The following MKLN1 variants were observed in gnomAD, a reference collection of about 807,000 sequenced individuals.
MKLN1 encodes the protein muskelin.
Under a neutral mutation model 99.0 loss-of-function variants are expected in MKLN1, and 18 were observed. The ratio of observed to expected loss-of-function variants is 0.18; its 90% confidence interval spans 0.13 to 0.27. The LOEUF is 0.27. Ranked by LOEUF, MKLN1 falls within the 10% of genes least tolerant of loss-of-function variation. The probability of loss-of-function intolerance (pLI) is 1.00; values close to 1 mark genes in which losing one functional copy is unlikely to be tolerated. For synonymous variants in MKLN1, 288 were observed against 293.2 expected, an observed-to-expected ratio of 0.98 and a Z score of 0.18; for missense variants, 621 against 875.9, an observed-to-expected ratio of 0.71 and a Z score of 3.67.
chr7:131,408,101 T>A (rs959628152), intron 6 of MKLN1, among the ~76,000 whole-genome samples: 1 of 152,132 alleles, frequency 6.6e-6, no homozygotes, highest in Non-Finnish European at 1.5e-5. Context: ...GTCTAATATA[T>A]GAGAATGATT....
intron 2 of MKLN1, among the ~76,000 whole-genome samples, chr7:131,186,640 C>T (rs533328193): frequency 5.2e-4 from 79 of 152,312 alleles, no homozygotes; most frequent in African/African-American, 1.8e-3. Flanking sequence ...GTTTTATTTA[C>T]TTTGCCTAGC....
intron 1 of MKLN1, among the ~76,000 whole-genome samples, chr7:131,369,395 T>C (rs1008049527): frequency 1.3e-5 from 2 of 152,210 alleles, no homozygotes; most frequent in African/African-American, 4.8e-5. Context: ...ATTTCATCAA[T>C]TTGATGGGTA....
At chr7:131,436,167 TAA>T (rs1795670788) in intron 9 of MKLN1, among the ~76,000 whole-genome samples, 2 of 152,218 alleles carry the variant, frequency 1.3e-5, no homozygotes, top group African/African-American at 4.8e-5. Context: ...GTGTGAATAT[TAA>T]AGTGTACATT....
At chr7:131,148,220 G>T (rs1427068992) in intron 2 of MKLN1, among the ~76,000 whole-genome samples, 2 of 151,998 alleles carry the variant, frequency 1.3e-5, no homozygotes, top group African/African-American at 4.8e-5. Flanking sequence ...GCAGAATTTG[G>T]CCTGTTCTCC....
chr7:131,133,272 G>A (rs1257249059), intron 1 of MKLN1, among the ~76,000 whole-genome samples: 1 of 150,322 alleles, frequency 6.7e-6, no homozygotes, highest in Non-Finnish European at 1.5e-5. Flanking sequence ...CTTCAAAGAC[G>A]AGTCTTCACT....
chr7:131,453,471 T>A (rs1796245385), intron 12 of MKLN1, among the ~76,000 whole-genome samples: 1 of 151,830 alleles, frequency 6.6e-6, no homozygotes, highest in African/African-American at 2.4e-5. Context: ...GGCAGTATTT[T>A]AAAAAAAAGG....
chr7:131,352,884 A>G (rs139328155), intron 1 of MKLN1, among the ~76,000 whole-genome samples: 3 of 152,282 alleles, frequency 2.0e-5, no homozygotes, highest in East Asian at 3.9e-4. Flanking sequence ...ATTTTAAACT[A>G]TGCAGCTTCC....
intron 3 of MKLN1, among the ~76,000 whole-genome samples, chr7:131,291,205 A>G (rs2116599470): frequency 6.6e-6 from 1 of 151,598 alleles, no homozygotes; most frequent in Non-Finnish European, 1.5e-5. Context: ...ATCTTGGCTC[A>G]CTGCAACCTC....
intron 3 of MKLN1, among the ~76,000 whole-genome samples, chr7:131,314,512 T>C (rs1733447591): frequency 6.6e-6 from 1 of 152,094 alleles, no homozygotes; most frequent in Admixed American, 6.5e-5. Flanking sequence ...AAGCTCCGCG[T>C]CCCAGGTTCA....
chr7:131,436,016 G>A (rs1795666788), intron 9 of MKLN1, among the ~76,000 whole-genome samples: 1 of 151,730 alleles, frequency 6.6e-6, no homozygotes, highest in Non-Finnish European at 1.5e-5. Context: ...ATGCATTATG[G>A]CATAGATTTA....
intron 3 of MKLN1, among the ~76,000 whole-genome samples, chr7:131,203,941 C>A (rs28690285): frequency 0.073 from 11,081 of 152,182 alleles, 446 homozygotes; most frequent in African/African-American, 0.094. Flanking sequence ...GGGCGAAGAA[C>A]ACTGAAAAAC....
chr7:131,215,759 G>A (rs1796971771), intron 3 of MKLN1, among the ~76,000 whole-genome samples: 1 of 152,160 alleles, frequency 6.6e-6, no homozygotes. Flanking sequence ...AGATACCATG[G>A]ATTCAGTCAT....
At chr7:131,371,844 A>T (rs991327012) in intron 1 of MKLN1, among the ~76,000 whole-genome samples, 1 of 151,414 alleles carries the variant, frequency 6.6e-6, no homozygotes, top group African/African-American at 2.4e-5. Flanking sequence ...ATTTCTTCTC[A>T]TATTTACTGT....
intron 1 of MKLN1, among the ~76,000 whole-genome samples, chr7:131,329,698 A>G (rs1799014489): frequency 6.6e-6 from 1 of 152,198 alleles, no homozygotes; most frequent in Admixed American, 6.5e-5. Flanking sequence ...TTGTATAGAC[A>G]TTTTAAGAAA....
intron 2 of MKLN1, among the ~76,000 whole-genome samples, chr7:131,199,178 A>T (rs1796690303): frequency 6.6e-6 from 1 of 151,978 alleles, no homozygotes; most frequent in Non-Finnish European, 1.5e-5. Flanking sequence ...TATGTTTTAG[A>T]TATAGCTGAA....
In MKLN1 at chr7:131,492,749, A is replaced by AG. The variant is rs1797458641; in HGVS notation, c.*5021_*5022insG. 6.5e-6 allele frequency: 1 copy of AG among 152,858 alleles called. No homozygotes were observed. Among genetic ancestry groups the AG allele is most frequent in the African/African-American group, 2.4e-5 (1 of 41,134 alleles). The allele number at this position is 152,858 out of a possible 1,614,324, so 9.5% of individuals were successfully genotyped here. A position where few individuals can be genotyped will look rare whatever the true frequency, so the allele number is the denominator to read the frequency against. On this transcript the variant is annotated 3_prime_UTR_variant, in exon 18 of 18. Coordinates refer to ENST00000352689, the MANE Select transcript of MKLN1 (RefSeq NM_013255.5). ...GACCCTGTCTCAAAAAAAAAAAAAA[A>AG]AAAAGAATGTGAATTTAGCTCCAAT... is the stretch of plus-strand genomic sequence containing the variant.
intron 3 of MKLN1, among the ~76,000 whole-genome samples, chr7:131,212,132 T>G (rs1796914870): frequency 1.3e-5 from 2 of 152,252 alleles, no homozygotes; most frequent in Admixed American, 1.3e-4. Context: ...TTTCTGCTGC[T>G]GGCTCCTACT....
At chr7:131,444,407 G>A (rs1795934149) in intron 11 of MKLN1, among the ~76,000 whole-genome samples, 1 of 151,932 alleles carries the variant, frequency 6.6e-6, no homozygotes, top group African/African-American at 2.4e-5. Flanking sequence ...ATGAGCCACT[G>A]TACCTGGCCA....
upstream of MKLN1, chr7:131,324,391 C>T (rs952829840): frequency 1.3e-5 from 2 of 152,200 alleles, no homozygotes; most frequent in Non-Finnish European, 2.9e-5. Flanking sequence ...GGGGGAGTCA[C>T]TGTGAATCCT....
Sources: gnomAD v4.1 joint callset for allele counts (sites outside exome capture counted in the v4.1 genomes callset) on GRCh38, gnomAD v4.1.1 for gene constraint, MANE v1.5 for transcripts, NCBI Gene and HGNC (gene_info 2026-07-23, HGNC 2026-07-21) for gene names.